The following WDR41 variants were observed in gnomAD, a reference collection of about 807,000 sequenced individuals.
The protein encoded by WDR41 is WD repeat-containing protein 41.
Under a neutral mutation model 69.3 loss-of-function variants are expected in WDR41, and 63 were observed. The observed-to-expected ratio is 0.91, with a 90% CI of 0.74 to 1.12. The LOEUF (loss-of-function observed/expected upper bound fraction) is 1.12, where lower values mean the gene tolerates loss of function less well. Among genes scored for constraint, WDR41 ranks in the 50% most tolerant of loss-of-function variants. The pLI is 0.00. For synonymous variants in WDR41, 185 were observed against 192.1 expected (o/e 0.96, Z 0.31); for missense variants, 543 against 534.5 (o/e 1.02, Z -0.16).
At chr5:77,615,785 A>G (rs1744670528) in intron 1 of WDR41, among the ~76,000 whole-genome samples, 1 of 151,478 alleles carries the variant, frequency 6.6e-6, no homozygotes, top group Non-Finnish European at 1.5e-5. Flanking sequence ...TTGAGGTCAG[A>G]GGTTCGAGAC....
At chr5:77,471,296 T>C (rs986951987) in intron 2 of WDR41, among the ~76,000 whole-genome samples, 8 of 152,190 alleles carry the variant, frequency 5.3e-5, no homozygotes, top group African/African-American at 1.7e-4. Context: ...GGGAAATTTA[T>C]AGCACTAAAT....
In WDR41 at chr5:77,431,190, A is replaced by G. The variant is rs573912819; in HGVS notation, c.*1945T>C. 9.8e-5 allele frequency: 15 copies of G among 152,326 alleles called. 1 individual carries two copies. In the East Asian group the frequency reaches 2.9e-3, roughly 29 times the overall value. The allele number at this position is 152,326 out of a possible 1,614,324, so 9.4% of individuals were successfully genotyped here. Reference sequence around the variant, plus strand: ...TTAAATAGTATTACATGTTACAGAGATCTCATTTGTGAAAGGAAGTCAATT... The same window carrying G: ...TTAAATAGTATTACATGTTACAGAGGTCTCATTTGTGAAAGGAAGTCAATT... On this transcript the variant is annotated 3_prime_UTR_variant, in exon 13 of 13. Coordinates refer to ENST00000296679, the MANE Select transcript of WDR41 (RefSeq NM_018268.4).
At chr5:77,499,138 T>C (rs1801980289) in intron 1 of WDR41, among the ~76,000 whole-genome samples, 1 of 152,194 alleles carries the variant, frequency 6.6e-6, no homozygotes, top group South Asian at 2.1e-4. Flanking sequence ...AACACAACTA[T>C]AAACCTTGAA....
chr5:77,446,158 A>G (rs1359907789), intron 8 of WDR41, among the ~76,000 whole-genome samples: 1 of 152,142 alleles, frequency 6.6e-6, no homozygotes, highest in Non-Finnish European at 1.5e-5. Flanking sequence ...AAAATCATGA[A>G]TGAACTCCCA....
intron 1 of WDR41, among the ~76,000 whole-genome samples, chr5:77,558,089 CT>C (rs368168427): frequency 5.8e-5 from 4 of 68,904 alleles, no homozygotes; most frequent in Admixed American, 1.6e-4. Context: ...TTCAAATGTT[CT>C]TTTTAAAAAA....
intron 4 of WDR41, among the ~76,000 whole-genome samples, chr5:77,459,491 A>G (rs945039155): frequency 6.6e-6 from 1 of 152,172 alleles, no homozygotes; most frequent in African/African-American, 2.4e-5. Context: ...ACCAAAAACT[A>G]TCATGTCCAT....
chr5:77,437,431 G>A lies in WDR41; in HGVS notation c.1005-7C>T, dbSNP rs116738892. On this transcript the variant is annotated splice_region_variant and splice_polypyrimidine_tract_variant and intron_variant, in intron 10 of 12. Transcript: ENST00000296679. Reference sequence around the variant, plus strand: ...TGAGCATGAGATTAACTGCCTGTCAGAACAGAAAATCAGTAATACAAAAAG... The same window carrying A: ...TGAGCATGAGATTAACTGCCTGTCAAAACAGAAAATCAGTAATACAAAAAG... 18,687 of 1,612,848 alleles carry A rather than the reference G, an allele frequency of 0.012. 191 individuals are homozygous for A. The highest frequency in any genetic ancestry group is 0.048 in the Middle Eastern group (289 of 6,060).
intron 1 of WDR41, among the ~76,000 whole-genome samples, chr5:77,590,881 G>A (rs929370653): frequency 6.6e-6 from 1 of 152,186 alleles, no homozygotes; most frequent in Non-Finnish European, 1.5e-5. Context: ...TGGTCTCATA[G>A]AATGAGTTGG....
intron 3 of WDR41, among the ~76,000 whole-genome samples, chr5:77,464,273 A>AT (rs772388660): frequency 0.025 from 2,367 of 95,172 alleles, 28 homozygotes; most frequent in Middle Eastern, 0.11. Flanking sequence ...TTAGGAAAAA[A>AT]CTTTTTTTTT....
intron 1 of WDR41, among the ~76,000 whole-genome samples, chr5:77,514,231 AT>A (rs1218705482): frequency 2.0e-5 from 3 of 152,150 alleles, no homozygotes; most frequent in Non-Finnish European, 4.4e-5. Flanking sequence ...ACATCCGCAC[AT>A]AATCATACTG....
chr5:77,517,987 G>A (rs1802315893), intron 1 of WDR41, among the ~76,000 whole-genome samples: 1 of 151,962 alleles, frequency 6.6e-6, no homozygotes, highest in Admixed American at 6.6e-5. Context: ...CAAACATTAG[G>A]CATTCAGTAA....
At chr5:77,443,159 G>A (rs934269798) in intron 8 of WDR41, among the ~76,000 whole-genome samples, 1 of 152,182 alleles carries the variant, frequency 6.6e-6, no homozygotes, top group Admixed American at 6.5e-5. Context: ...TGCATTAAAT[G>A]AGTGACTAAA....
intron 2 of WDR41, among the ~76,000 whole-genome samples, chr5:77,471,650 T>G (rs1339636655): frequency 6.6e-6 from 1 of 151,976 alleles, no homozygotes; most frequent in Non-Finnish European, 1.5e-5. Context: ...TAAAAACACC[T>G]CTATGCAAAT....
chr5:77,484,975 A>G (rs1468083409), intron 2 of WDR41, among the ~76,000 whole-genome samples: 1 of 152,216 alleles, frequency 6.6e-6, no homozygotes, highest in African/African-American at 2.4e-5. Context: ...ACCCTCAGCA[A>G]ATAACTAAGC....
At chr5:77,487,381 T>TA (rs1473409893) in intron 2 of WDR41, among the ~76,000 whole-genome samples, 3 of 152,148 alleles carry the variant, frequency 2.0e-5, no homozygotes, top group African/African-American at 7.2e-5. Context: ...ATGACCACTT[T>TA]AATAAATGGA....
intron 1 of WDR41, among the ~76,000 whole-genome samples, chr5:77,610,997 G>T (rs372924536): frequency 1.3e-4 from 20 of 152,144 alleles, no homozygotes; most frequent in African/African-American, 4.3e-4. Context: ...AAAGGCAGGG[G>T]TTGCAATCCT....
intron 1 of WDR41, among the ~76,000 whole-genome samples, chr5:77,615,635 C>A (rs373482467): frequency 4.4e-5 from 6 of 137,430 alleles, no homozygotes; most frequent in Admixed American, 8.1e-5. Flanking sequence ...TTGCCAGCAA[C>A]TAAGACACCA....
At chr5:77,607,673 G>A (rs1219783800) in intron 1 of WDR41, among the ~76,000 whole-genome samples, 1 of 152,066 alleles carries the variant, frequency 6.6e-6, no homozygotes, top group African/African-American at 2.4e-5. Context: ...AATGAAGAGG[G>A]GGAAATATTC....
At chr5:77,478,304 A>T (rs1352263353) in intron 2 of WDR41, among the ~76,000 whole-genome samples, 1 of 152,222 alleles carries the variant, frequency 6.6e-6, no homozygotes, top group Non-Finnish European at 1.5e-5. Flanking sequence ...TAAAAGAGGG[A>T]ATCCTCCCTA....
Sources: gnomAD v4.1 joint callset for allele counts (sites outside exome capture counted in the v4.1 genomes callset) on GRCh38, gnomAD v4.1.1 for gene constraint, MANE v1.5 for transcripts, NCBI Gene and HGNC (gene_info 2026-07-23, HGNC 2026-07-21) for gene names.